The following LGSN variants were observed in gnomAD, a reference collection of about 807,000 sequenced individuals.
LGSN encodes the protein lengsin.
In LGSN, 21 loss-of-function variants were observed where a neutral mutation model predicts 19.5. That is an observed-to-expected ratio of 1.07 (90% confidence interval 0.76 to 1.55). LGSN has a LOEUF of 1.55. Among genes scored for constraint, LGSN ranks in the 40% most tolerant of loss-of-function variants. The pLI, the probability that LGSN is intolerant of heterozygous loss-of-function variation, is 0.00. For synonymous variants in LGSN, 257 were observed against 215.6 expected, an observed-to-expected ratio of 1.19 and a Z score of -1.68; for missense variants, 673 against 608.5, an observed-to-expected ratio of 1.11 and a Z score of -1.12.
At chr6:63,536,652 CTG>C in the LGSN span, among the ~76,000 whole-genome samples, 1 of 152,114 alleles carries the variant, frequency 6.6e-6, no homozygotes, top group Non-Finnish European at 1.5e-5. Flanking sequence ...GTCGCGATAA[CTG>C]TGTTTTATCC....
chr6:63,380,192 G>A, the LGSN span, among the ~76,000 whole-genome samples: 1 of 152,086 alleles, frequency 6.6e-6, no homozygotes, highest in Non-Finnish European at 1.5e-5. Context: ...CATTTACAGG[G>A]TTTTGTTTTG....
At chr6:63,418,691 T>C in the LGSN span, among the ~76,000 whole-genome samples, 2 of 152,118 alleles carry the variant, frequency 1.3e-5, no homozygotes, top group Non-Finnish European at 2.9e-5. Context: ...TTTCTTTTTG[T>C]CTCATGTATT....
chr6:63,320,017 G>T, upstream of LGSN: 1 of 1,116,024 alleles, frequency 9.0e-7, no homozygotes. Context: ...ATTTATATGT[G>T]TACCTACAAC....
the LGSN span, among the ~76,000 whole-genome samples, chr6:63,374,056 A>C: frequency 2.6e-5 from 4 of 152,170 alleles, no homozygotes; most frequent in African/African-American, 7.2e-5. Context: ...TGTCTGTACT[A>C]TGGTTATGTT....
chr6:63,520,609 T>C, the LGSN span, among the ~76,000 whole-genome samples: 13 of 150,220 alleles, frequency 8.7e-5, no homozygotes, highest in Admixed American at 8.7e-4. Context: ...CCAGCCTGGG[T>C]GACAGAGTGA....
chr6:63,412,736 A>C, the LGSN span, among the ~76,000 whole-genome samples: 1 of 63,540 alleles, frequency 1.6e-5, no homozygotes, highest in African/African-American at 9.8e-5. Flanking sequence ...AGAAAGAAAG[A>C]AAGAAAGAAA....
At chr6:63,401,399 CAAA>C in the LGSN span, among the ~76,000 whole-genome samples, 1 of 98,544 alleles carries the variant, frequency 1.0e-5, no homozygotes, top group Non-Finnish European at 2.2e-5. Flanking sequence ...AAATCTGTCT[CAAA>C]AAAAAAAAAA....
the LGSN span, among the ~76,000 whole-genome samples, chr6:63,353,919 G>A: frequency 1.2e-3 from 181 of 152,172 alleles, 3 homozygotes; most frequent in African/African-American, 3.9e-3. Flanking sequence ...TCAATAAATG[G>A]TGCTAAGAAT....
chr6:63,334,259 C>G, the LGSN span, among the ~76,000 whole-genome samples: 1 of 152,124 alleles, frequency 6.6e-6, no homozygotes, highest in African/African-American at 2.4e-5. Flanking sequence ...ATGATAAATT[C>G]AGCAAAGTTG....
chr6:63,552,382 T>A, the LGSN span, among the ~76,000 whole-genome samples: 32 of 152,304 alleles, frequency 2.1e-4, no homozygotes, highest in African/African-American at 7.5e-4. Flanking sequence ...GATGGGGTTG[T>A]TTGTTTTTTT....
chr6:63,365,259 C>T, the LGSN span, among the ~76,000 whole-genome samples: 2 of 152,198 alleles, frequency 1.3e-5, no homozygotes, highest in South Asian at 4.2e-4. Context: ...GGGGATATCA[C>T]CATCGATCCC....
the LGSN span, among the ~76,000 whole-genome samples, chr6:63,435,321 T>G: frequency 6.6e-5 from 10 of 152,258 alleles, no homozygotes; most frequent in African/African-American, 2.4e-4. Flanking sequence ...TGAAGTTTAC[T>G]GAGCACCAAT....
chr6:63,495,105 T>C, the LGSN span, among the ~76,000 whole-genome samples: 6 of 152,274 alleles, frequency 3.9e-5, no homozygotes, highest in East Asian at 1.2e-3. Flanking sequence ...AGATACTCTA[T>C]AAATTATAGA....
chr6:63,419,880 CAAA>C, the LGSN span, among the ~76,000 whole-genome samples: 3 of 57,336 alleles, frequency 5.2e-5, no homozygotes, highest in East Asian at 4.6e-4. Context: ...AACTCCCTCC[CAAA>C]AAAAAAAAAA....
the LGSN span, among the ~76,000 whole-genome samples, chr6:63,452,145 G>A: frequency 6.6e-6 from 1 of 151,386 alleles, no homozygotes; most frequent in Non-Finnish European, 1.5e-5. Flanking sequence ...TTTTCCGGAA[G>A]AGTTTGTGGA....
the LGSN span, among the ~76,000 whole-genome samples, chr6:63,445,992 T>G: frequency 6.6e-6 from 1 of 152,116 alleles, no homozygotes; most frequent in East Asian, 1.9e-4. Context: ...CTCACGCCTG[T>G]AATCCCAGCA....
the LGSN span, among the ~76,000 whole-genome samples, chr6:63,361,070 G>T: frequency 1.3e-5 from 2 of 152,330 alleles, no homozygotes; most frequent in East Asian, 3.9e-4. Flanking sequence ...TCCCCTACTG[G>T]GGGGTGCCTC....
At chr6:63,283,769 C>T (rs1767415529) in intron 3 of LGSN, among the ~76,000 whole-genome samples, 2 of 152,008 alleles carry the variant, frequency 1.3e-5, no homozygotes, top group South Asian at 2.1e-4. Context: ...GGCGCGATCT[C>T]GGCTCACTGC....
chr6:63,306,858 A>T (rs1768413341), intron 1 of LGSN, among the ~76,000 whole-genome samples: 1 of 152,234 alleles, frequency 6.6e-6, no homozygotes, highest in Non-Finnish European at 1.5e-5. Context: ...AACATGCCAG[A>T]AATCTGGATT....
Sources: gnomAD v4.1 joint callset for allele counts (sites outside exome capture counted in the v4.1 genomes callset) on GRCh38, gnomAD v4.1.1 for gene constraint, MANE v1.5 for transcripts, NCBI Gene and HGNC (gene_info 2026-07-23, HGNC 2026-07-21) for gene names.